The following ADAMTS12 variants were observed in gnomAD, a reference collection of about 807,000 sequenced individuals.
ADAMTS12 encodes the protein A disintegrin and metalloproteinase with thrombospondin motifs 12.
In ADAMTS12, 118 loss-of-function variants were observed where a neutral mutation model predicts 167.8. The ratio of observed to expected loss-of-function variants is 0.70; its 90% CI spans 0.61 to 0.82. The LOEUF (loss-of-function observed/expected upper bound fraction) is 0.82, where lower values mean the gene tolerates loss of function less well. Ranked by LOEUF, ADAMTS12 falls within the 40% of genes least tolerant of loss-of-function variation. ADAMTS12 has a pLI of 0.00. For missense variants in ADAMTS12, 1,916 were observed against 1,998.8 expected, an observed-to-expected ratio of 0.96 and a Z score of 0.79; for synonymous variants, 704 against 716.9, an observed-to-expected ratio of 0.98 and a Z score of 0.29.
intron 5 of ADAMTS12, among the ~76,000 whole-genome samples, chr5:33,679,476 G>A (rs553790986): frequency 6.6e-6 from 1 of 152,082 alleles, no homozygotes; most frequent in African/African-American, 2.4e-5. Context: ...AAGCAGAGGG[G>A]GAAGAGCCCC....
intron 20 of ADAMTS12, among the ~76,000 whole-genome samples, chr5:33,560,621 G>A (rs1321514847): frequency 1.3e-5 from 2 of 152,002 alleles, no homozygotes; most frequent in Admixed American, 1.3e-4. Flanking sequence ...GTCCTTTGTA[G>A]GGACATGGAT....
intron 2 of ADAMTS12, among the ~76,000 whole-genome samples, chr5:33,832,506 C>G (rs754820176): frequency 9.2e-5 from 14 of 152,070 alleles, no homozygotes; most frequent in Admixed American, 8.5e-4. Flanking sequence ...AATTGAATTC[C>G]CTCTTCTTGT....
At chr5:33,683,247 A>G (rs963160162) in intron 4 of ADAMTS12, 146 bp from the exon 5 acceptor site, 2 of 569,026 alleles carry the variant, frequency 3.5e-6, no homozygotes, top group Non-Finnish European at 6.1e-6. Context: ...AGAGTGAAAT[A>G]TGCCCACAGC....
rs1317884580 is a variant in ADAMTS12 at position 33,690,934 on chromosome 5, C to CA, written c.635-6880dup. Among the ~76,000 whole-genome samples, 3 of 152,146 alleles carry CA rather than the reference C, an allele frequency of 2.0e-5. No individual in the cohort carries two copies. The East Asian group carries it at 5.8e-4, about 29-fold the overall frequency. ...GCTGCTGGGGGCAGAAGTAAAATAA[C>CA]AAAAAATGAAGTAATCAACCGAGTG... On this transcript the variant is annotated intron_variant, in intron 3 of 23. Coordinates refer to ENST00000504830, the MANE Select transcript of ADAMTS12 (RefSeq NM_030955.4).
Position 33,854,193 on chromosome 5 carries a change from T to C in ADAMTS12, c.489+26926A>G, listed in dbSNP as rs566679514. 1.2e-4 allele frequency among the ~76,000 whole-genome samples: 18 copies of C among 152,358 alleles called. No individual in the cohort carries two copies. In the South Asian group the frequency reaches 3.5e-3, roughly 30 times the overall value. On this transcript the variant is annotated intron_variant, in intron 2 of 23. Coordinates refer to ENST00000504830, the MANE Select transcript of ADAMTS12 (RefSeq NM_030955.4). ...CCTCTTGTTTTCCCATTTTTCAAAG[T>C]CCTTATTAATATCTGTAAATCAATG...
chr5:33,837,892 T>A (rs1433366407), intron 2 of ADAMTS12, among the ~76,000 whole-genome samples: 1 of 152,220 alleles, frequency 6.6e-6, no homozygotes, highest in Non-Finnish European at 1.5e-5. Flanking sequence ...TCTGAAAACG[T>A]ACTGTCAAAA....
intron 2 of ADAMTS12, among the ~76,000 whole-genome samples, chr5:33,856,473 G>A (rs1749406188): frequency 6.6e-6 from 1 of 152,090 alleles, no homozygotes; most frequent in South Asian, 2.1e-4. Flanking sequence ...CAGAAAAAGT[G>A]GCAGCCAGTG....
intron 22 of ADAMTS12, among the ~76,000 whole-genome samples, chr5:33,542,268 C>T (rs899789298): frequency 2.0e-5 from 3 of 152,072 alleles, no homozygotes; most frequent in African/African-American, 7.2e-5. Flanking sequence ...GGTAAAGGGA[C>T]CAATTCAACA....
At chr5:33,683,128 G>A in intron 4 of ADAMTS12, 27 bp from the exon 5 acceptor site, 1 of 1,504,994 alleles carries the variant, frequency 6.6e-7, no homozygotes, top group Admixed American at 1.7e-5. Context: ...AAAACCATTA[G>A]CTCCACACGA....
intron 19 of ADAMTS12, among the ~76,000 whole-genome samples, chr5:33,565,312 C>G (rs375877894): frequency 3.3e-5 from 5 of 152,250 alleles, no homozygotes; most frequent in Admixed American, 6.5e-5. Context: ...TGCGCCACCA[C>G]GTCTAATTTT....
intron 3 of ADAMTS12, among the ~76,000 whole-genome samples, chr5:33,743,505 T>C (rs1368411788): frequency 6.6e-6 from 1 of 152,126 alleles, no homozygotes; most frequent in Non-Finnish European, 1.5e-5. Flanking sequence ...CTCTTTTGTA[T>C]CTGCCAGAAA....
At chr5:33,619,915 G>A (rs901259808) in intron 14 of ADAMTS12, among the ~76,000 whole-genome samples, 3 of 152,146 alleles carry the variant, frequency 2.0e-5, no homozygotes, top group East Asian at 3.9e-4. Flanking sequence ...GGATGGTCTC[G>A]ATCTCTTGAC....
At chr5:33,606,741 A>G (rs4437378) in intron 16 of ADAMTS12, among the ~76,000 whole-genome samples, 88,215 of 152,078 alleles carry the variant, frequency 0.58, 25,868 homozygotes, top group East Asian at 0.82. Flanking sequence ...AAGAGGAAAA[A>G]TAACCCAACT....
At chr5:33,554,298 G>A (rs1010562424) in intron 20 of ADAMTS12, among the ~76,000 whole-genome samples, 1 of 152,186 alleles carries the variant, frequency 6.6e-6, no homozygotes, top group Non-Finnish European at 1.5e-5. Flanking sequence ...CAGAATGCTA[G>A]AGCAGGGGGT....
chr5:33,544,510 A>G (rs1272913105), intron 22 of ADAMTS12, among the ~76,000 whole-genome samples: 2 of 152,210 alleles, frequency 1.3e-5, no homozygotes, highest in African/African-American at 4.8e-5. Context: ...GGAAAAAACT[A>G]CTTTAAAGTT....
At chr5:33,566,813 C>T (rs1014813284) in intron 19 of ADAMTS12, among the ~76,000 whole-genome samples, 5 of 152,174 alleles carry the variant, frequency 3.3e-5, no homozygotes, top group East Asian at 1.9e-4. Flanking sequence ...TTCTAGACAA[C>T]GGAATGTAGG....
At chr5:33,810,934 C>A (rs1328594989) in intron 2 of ADAMTS12, among the ~76,000 whole-genome samples, 1 of 152,194 alleles carries the variant, frequency 6.6e-6, no homozygotes, top group East Asian at 1.9e-4. Context: ...CTTGTCCCAC[C>A]TCTTTGCTGG....
At chr5:33,654,499 G>T (rs1019758712) in intron 7 of ADAMTS12, among the ~76,000 whole-genome samples, 2 of 152,168 alleles carry the variant, frequency 1.3e-5, no homozygotes, top group African/African-American at 4.8e-5. Context: ...TACCTGAGTT[G>T]TCAAAGGGAT....
rs1284844271 is a variant in ADAMTS12, at chr5:33,881,305, G to T, written c.303C>A (p.Asp101Glu). 1.2e-6 allele frequency: 2 copies of T among 1,614,162 alleles called. No individual in the cohort carries two copies. Among genetic ancestry groups the T allele is most frequent in the Non-Finnish European group, 1.7e-6 (2 of 1,180,036 alleles). The change falls in exon 2 of 24, where the codon GAC becomes GAA. Residue 101 changes from aspartate to glutamate, a missense_variant. Physicochemically the swap from Asp to Glu is conservative, Grantham distance 45 (BLOSUM62 2). Coordinates refer to ENST00000504830, the MANE Select transcript of ADAMTS12 (RefSeq NM_030955.4). ...GATTGACCGTCAAGTTAAAAAACAG[G>T]TCCTTCTCCTCGTGAGAAATTCTGT... is the stretch of plus-strand genomic sequence containing the variant. ...VYYRISHEEK[D>E]LFFNLTVNQG...
Sources: allele counts gnomAD v4.1 joint callset (sites outside exome capture counted in the v4.1 genomes callset), GRCh38; gene constraint gnomAD v4.1.1; transcripts MANE v1.5; gene names NCBI Gene and HGNC (gene_info 2026-07-23, HGNC 2026-07-21).